DAB2IP: variants seen among roughly 807,000 people sequenced by gnomAD.
DAB2IP encodes disabled homolog 2-interacting protein.
DAB2IP carries 28 observed loss-of-function variants against 107.2 expected under a neutral mutation model. The ratio of observed to expected loss-of-function variants is 0.26; its 90% CI spans 0.19 to 0.36. The LOEUF (loss-of-function observed/expected upper bound fraction) is 0.36, where lower values mean the gene tolerates loss of function less well. Ranked by LOEUF, DAB2IP falls within the 10% of genes least tolerant of loss-of-function variation. The probability of loss-of-function intolerance (pLI) is 1.00; values close to 1 mark genes in which losing one functional copy is unlikely to be tolerated. For synonymous variants in DAB2IP, 755 were observed against 706.4 expected, an observed-to-expected ratio of 1.07 and a Z score of -1.09; for missense variants, 1,400 against 1,644.7, an observed-to-expected ratio of 0.85 and a Z score of 2.57.
chr9:121,600,206 C>T (rs1485189928), intron 1 of DAB2IP, among the ~76,000 whole-genome samples: 1 of 152,162 alleles, frequency 6.6e-6, no homozygotes, highest in Admixed American at 6.5e-5. Context: ...GGTGATAGGG[C>T]AGCCAACCAA....
chr9:121,651,488 C>T (rs933909513), upstream of DAB2IP: 12 of 217,664 alleles, frequency 5.5e-5, no homozygotes, highest in African/African-American at 2.6e-4. This position sits in a 1 kb window ranked among gnomAD's most constrained non-coding sequence, Gnocchi z 5.1. Context: ...CTCCGGGCCG[C>T]CTCGCCCCGC....
intron 2 of DAB2IP, among the ~76,000 whole-genome samples, chr9:121,697,653 T>G (rs1829493898): frequency 6.6e-6 from 1 of 152,194 alleles, no homozygotes; most frequent in South Asian, 2.1e-4. Context: ...GGCGGCTGAT[T>G]AGAATACCCT....
intron 1 of DAB2IP, among the ~76,000 whole-genome samples, chr9:121,630,885 G>A (rs1278082900): frequency 6.6e-6 from 1 of 152,216 alleles, no homozygotes; most frequent in African/African-American, 2.4e-5. Flanking sequence ...TGGGATTACA[G>A]GCATGAGCCA....
chr9:121,713,076 C>G (rs1830415330), intron 3 of DAB2IP, among the ~76,000 whole-genome samples: 1 of 152,206 alleles, frequency 6.6e-6, no homozygotes, highest in Admixed American at 6.5e-5. Flanking sequence ...TATGTGGCAC[C>G]TTGTCATTCC....
intron 1 of DAB2IP, among the ~76,000 whole-genome samples, chr9:121,573,872 T>C (rs541675866): frequency 2.2e-4 from 33 of 152,242 alleles, no homozygotes; most frequent in Admixed American, 1.2e-3. Context: ...CTGAAAGCCA[T>C]TGTGTGCCAA....
At chr9:121,586,615 C>T (rs1361384338) in intron 1 of DAB2IP, among the ~76,000 whole-genome samples, 2 of 151,912 alleles carry the variant, frequency 1.3e-5, no homozygotes, top group Non-Finnish European at 2.9e-5. Flanking sequence ...CCCAGGAGTT[C>T]GAGACCAGCT....
chr9:121,772,778 C>T lies in DAB2IP; in HGVS notation c.2250C>T (p.Asp750=), dbSNP rs774267409. 9 of 1,613,562 alleles carry T rather than the reference C, an allele frequency of 5.6e-6. No homozygotes were observed. In the Admixed American group the frequency reaches 1.3e-4, roughly 24 times the overall value. ...GTGGCAAGAGCCTCTCCATGGTGGA[C>T]CTCCAGGACGCCCGCACGCTGGATG... The change falls in exon 12 of 16, where the codon GAC becomes GAT. Residue 750 remains aspartate, a synonymous_variant. Transcript: ENST00000408936. This position sits in a 1 kb window ranked among gnomAD's most constrained non-coding sequence, Gnocchi z 4.7.
At chr9:121,764,471 G>T (rs1041202242) in intron 8 of DAB2IP, among the ~76,000 whole-genome samples, 1 of 152,252 alleles carries the variant, frequency 6.6e-6, no homozygotes, top group Non-Finnish European at 1.5e-5. Context: ...GGAGAAACTT[G>T]CGGTAAGGCC....
At chr9:121,586,239 A>G (rs915927267) in intron 1 of DAB2IP, among the ~76,000 whole-genome samples, 6 of 152,218 alleles carry the variant, frequency 3.9e-5, no homozygotes, top group African/African-American at 1.4e-4. Flanking sequence ...ATAATTCCCT[A>G]TGATTACCGA....
rs761619061 is a variant in DAB2IP at position 121,772,833 on chromosome 9, G to A, written c.2305G>A (p.Val769Ile). The A allele has an allele frequency of 1.4e-5, 22 of 1,603,870 alleles. No individual in the cohort carries two copies. Among genetic ancestry groups the A allele is most frequent in the Admixed American group, 8.5e-5 (5 of 59,078 alleles). The change falls in exon 12 of 16, where the codon GTC (valine) becomes ATC (isoleucine). Residue 769 changes from valine to isoleucine, a missense_variant. Around this residue, in one of 3 missense-constraint regions of DAB2IP, gnomAD observed 600 missense variants for 659.1 expected, o/e 0.91. Coordinates refer to ENST00000408936, the Ensembl canonical transcript of DAB2IP. This position sits in a 1 kb window ranked among gnomAD's most constrained non-coding sequence, Gnocchi z 4.7. Reference sequence around the variant, plus strand: ...GGCAGGCTCCCCGGCGGGCCCCGACGTCCTCCCCACAGATGGGCAGGCCGC... The same window carrying A: ...GGCAGGCTCCCCGGCGGGCCCCGACATCCTCCCCACAGATGGGCAGGCCGC...
chr9:121,694,757 A>G (rs1447509579), intron 2 of DAB2IP, among the ~76,000 whole-genome samples: 1 of 152,024 alleles, frequency 6.6e-6, no homozygotes, highest in Non-Finnish European at 1.5e-5. Context: ...GGGTGTCCAG[A>G]TGGGCAATGG....
At chr9:121,617,901 T>C (rs1402720187) in intron 1 of DAB2IP, among the ~76,000 whole-genome samples, 2 of 152,186 alleles carry the variant, frequency 1.3e-5, no homozygotes, top group South Asian at 2.1e-4. Flanking sequence ...GGTTCCATTG[T>C]AGCTCTTAGC....
chr9:121,699,606 C>T lies in DAB2IP; in HGVS notation c.362+148C>T. 2.9e-6 allele frequency: 2 copies of T among 681,414 alleles called. No individual in the cohort carries two copies. The highest frequency in any genetic ancestry group is 3.9e-6 in the Non-Finnish European group (2 of 518,800). The allele number at this position is 681,414 out of a possible 1,614,324, so 42.2% of individuals were successfully genotyped here. On this transcript the variant is annotated intron_variant, in intron 3 of 15. Transcript: ENST00000408936. The surrounding 1 kb of genome is among the most constrained non-coding windows in gnomAD (Gnocchi z 6.2). The stretch of plus-strand genomic sequence containing the variant: ...CGCCCGCCGGGAACTTATGGGGCCA[C>T]CTCGGCCGGACTAGGGGGCCCGAGG...
chr9:121,773,343 C>T (rs1358417826), exon 12 of DAB2IP: 3 of 1,576,082 alleles, frequency 1.9e-6, no homozygotes, highest in Middle Eastern at 1.7e-4. Context: ...GCCCCCCAAC[C>T]TGCTGAGCAC....
At chr9:121,594,094 T>C (rs1327070153) in intron 1 of DAB2IP, among the ~76,000 whole-genome samples, 2 of 152,200 alleles carry the variant, frequency 1.3e-5, no homozygotes, top group African/African-American at 4.8e-5. Context: ...CACTATGATC[T>C]CATTGAATCT....
Position 121,760,471 on chromosome 9 carries a change from G to A in DAB2IP, c.1170+32G>A. On this transcript the variant is annotated intron_variant, in intron 6 of 15. Transcript: ENST00000408936. This position sits in a 1 kb window ranked among gnomAD's most constrained non-coding sequence, Gnocchi z 5.9. ...GCAGGCCCCTCGGCTCCTGACACAGGCTGGGCGGCAGCACTGGGTTACCTG... is the reference window on the plus strand; with the variant it reads ...GCAGGCCCCTCGGCTCCTGACACAGACTGGGCGGCAGCACTGGGTTACCTG... 1.3e-6 allele frequency: 2 copies of A among 1,543,856 alleles called. No individual in the cohort carries two copies. The highest frequency in any genetic ancestry group is 4.6e-5 in the East Asian group (2 of 43,282).
intron 3 of DAB2IP, among the ~76,000 whole-genome samples, chr9:121,749,715 A>C (rs753076397): frequency 6.6e-6 from 1 of 152,160 alleles, no homozygotes; most frequent in Non-Finnish European, 1.5e-5. Flanking sequence ...TCAGGAAATG[A>C]AGGGCTTTTT....
intron 3 of DAB2IP, among the ~76,000 whole-genome samples, chr9:121,753,481 G>A (rs898998651): frequency 6.6e-6 from 1 of 152,214 alleles, no homozygotes; most frequent in Non-Finnish European, 1.5e-5. Context: ...AGGGCTGGGG[G>A]ACGGCAGAAG....
intron 2 of DAB2IP, among the ~76,000 whole-genome samples, chr9:121,697,646 G>A (rs1000210265): frequency 2.6e-5 from 4 of 152,172 alleles, no homozygotes; most frequent in South Asian, 2.1e-4. Context: ...TATTTGTGGC[G>A]GCTGATTAGA....
Sources: allele counts gnomAD v4.1 joint callset (sites outside exome capture counted in the v4.1 genomes callset), GRCh38; gene constraint gnomAD v4.1.1; regional missense constraint gnomAD v4.1.1; non-coding constraint Gnocchi (gnomAD v3.1); transcripts MANE v1.5; gene names NCBI Gene and HGNC (gene_info 2026-07-23, HGNC 2026-07-21).